The following LRRC4C variants were observed in gnomAD, a reference collection of about 807,000 sequenced individuals.
The protein encoded by LRRC4C is leucine-rich repeat-containing protein 4C.
LRRC4C carries 5 observed loss-of-function variants against 33.6 expected under a neutral mutation model. The observed-to-expected ratio is 0.15, with a 90% confidence interval of 0.08 to 0.31. The LOEUF (loss-of-function observed/expected upper bound fraction) is 0.31, where lower values mean the gene tolerates loss of function less well. Ranked by LOEUF, LRRC4C falls within the 10% of genes least tolerant of loss-of-function variation. LRRC4C has a pLI of 1.00. For missense variants in LRRC4C, 560 were observed against 796.7 expected (o/e 0.70, Z 3.58); for synonymous variants, 329 against 302.0 (o/e 1.09, Z -0.93).
chr11:40,883,165 G>A (rs1389216225), intron 2 of LRRC4C, among the ~76,000 whole-genome samples: 4 of 151,948 alleles, frequency 2.6e-5, no homozygotes, highest in Non-Finnish European at 1.5e-5. Context: ...AAGATAACCA[G>A]GCTTACTTTT....
chr11:40,984,808 G>A (rs1474073867), intron 1 of LRRC4C, among the ~76,000 whole-genome samples: 3 of 146,166 alleles, frequency 2.1e-5, no homozygotes, highest in Non-Finnish European at 3.0e-5. Context: ...TCCTGAGGCA[G>A]AATAAGTGGC....
intron 3 of LRRC4C, among the ~76,000 whole-genome samples, chr11:40,622,148 C>T (rs1368943463): frequency 6.6e-6 from 1 of 151,918 alleles, no homozygotes; most frequent in East Asian, 1.9e-4. Flanking sequence ...ACATCTTAGT[C>T]ACACATTAAA....
At chr11:40,308,598 G>A (rs1228613452) in intron 4 of LRRC4C, among the ~76,000 whole-genome samples, 2 of 152,124 alleles carry the variant, frequency 1.3e-5, no homozygotes, top group Non-Finnish European at 2.9e-5. Flanking sequence ...ACCTTATACT[G>A]TCAGTTAACA....
chr11:41,104,597 C>A (rs1941387470), intron 1 of LRRC4C, among the ~76,000 whole-genome samples: 1 of 151,872 alleles, frequency 6.6e-6, no homozygotes, highest in Non-Finnish European at 1.5e-5. Flanking sequence ...TATGACCCAG[C>A]AGTTCTGCTC....
At chr11:40,841,427 CT>C (rs1397252243) in intron 2 of LRRC4C, among the ~76,000 whole-genome samples, 2 of 152,172 alleles carry the variant, frequency 1.3e-5, no homozygotes, top group African/African-American at 4.8e-5. Flanking sequence ...GAGATGAGGC[CT>C]CTAAAGGAAG....
chr11:40,344,986 G>T lies in LRRC4C; in HGVS notation c.-269-25265C>A, dbSNP rs1190254259. On this transcript the variant is annotated intron_variant, in intron 3 of 6. Coordinates refer to ENST00000528697, the MANE Select transcript of LRRC4C (RefSeq NM_001258419.2). ...TCTACAATAAGAATTACAAAACACTGCTCAAATAAATTGGAGATGATACAA... is the reference window on the plus strand; with the variant it reads ...TCTACAATAAGAATTACAAAACACTTCTCAAATAAATTGGAGATGATACAA... Among the ~76,000 whole-genome samples, 3 of 152,202 alleles carry T rather than the reference G, an allele frequency of 2.0e-5. No homozygotes were observed. In the East Asian group the frequency reaches 5.8e-4, roughly 29 times the overall value.
intron 3 of LRRC4C, among the ~76,000 whole-genome samples, chr11:40,542,807 A>C (rs1267469805): frequency 6.6e-6 from 1 of 152,074 alleles, no homozygotes; most frequent in Non-Finnish European, 1.5e-5. Flanking sequence ...TCTCTCCCAT[A>C]GGGTGGTACA....
chr11:40,976,642 T>C (rs1441447595), intron 1 of LRRC4C, among the ~76,000 whole-genome samples: 1 of 152,180 alleles, frequency 6.6e-6, no homozygotes, highest in East Asian at 1.9e-4. Context: ...GTGATTTTTG[T>C]GGAATGGCAG....
intron 2 of LRRC4C, among the ~76,000 whole-genome samples, chr11:40,776,839 T>C (rs546945339): frequency 6.6e-6 from 1 of 152,302 alleles, no homozygotes; most frequent in Non-Finnish European, 1.5e-5. Flanking sequence ...TTGAGTTATT[T>C]CTAACTTCTT....
chr11:40,404,304 C>T (rs1949876734), intron 3 of LRRC4C, among the ~76,000 whole-genome samples: 1 of 152,132 alleles, frequency 6.6e-6, no homozygotes, highest in South Asian at 2.1e-4. Context: ...CTCAGCTGAG[C>T]CCCGTCCAAT....
At chr11:40,663,835 G>T (rs1480064500) in intron 2 of LRRC4C, among the ~76,000 whole-genome samples, 1 of 152,174 alleles carries the variant, frequency 6.6e-6, no homozygotes, top group Non-Finnish European at 1.5e-5. Flanking sequence ...CACAGTGGAA[G>T]ATTTTAACAC....
chr11:40,361,336 G>A (rs1947940020), intron 3 of LRRC4C, among the ~76,000 whole-genome samples: 1 of 152,040 alleles, frequency 6.6e-6, no homozygotes, highest in African/African-American at 2.4e-5. Flanking sequence ...CAAAAGCTTT[G>A]TAAGCTGATA....
intron 1 of LRRC4C, among the ~76,000 whole-genome samples, chr11:41,363,325 C>T (rs1952422458): frequency 6.6e-6 from 1 of 152,192 alleles, no homozygotes. Context: ...AGAATATTTA[C>T]CAAGTTACTG....
rs538161707 is a variant in LRRC4C, at chr11:41,099,327, A to G, written c.-495-165604T>C. Among the ~76,000 whole-genome samples the G allele has an allele frequency of 1.1e-4, 17 of 151,996 alleles. No homozygotes were observed. The South Asian group carries it at 3.3e-3, about 30-fold the overall frequency. ...ACTGAGAAAAAGTAACTCCTCCCCA[A>G]GTCATTCTACGAGGCCAGCATCATC... On this transcript the variant is annotated intron_variant, in intron 1 of 6. Transcript: ENST00000528697.
intron 1 of LRRC4C, among the ~76,000 whole-genome samples, chr11:41,025,855 C>A (rs1856307550): frequency 6.6e-6 from 1 of 151,656 alleles, no homozygotes; most frequent in South Asian, 2.1e-4. Flanking sequence ...ATAAATGGAA[C>A]CACATAGTCT....
chr11:40,963,145 C>G (rs1052751205), intron 1 of LRRC4C, among the ~76,000 whole-genome samples: 1 of 151,638 alleles, frequency 6.6e-6, no homozygotes, highest in Admixed American at 6.6e-5. Context: ...CAAGTGCACA[C>G]TATTATTTTT....
In LRRC4C at chr11:40,323,560, C is replaced by T. The variant is rs569338710; in HGVS notation, c.-269-3839G>A. ...TGACATCACCAGGGAATAATGTTGGCCCTATCCACTAAAGTTATAAAATGC... is the reference window on the plus strand; with the variant it reads ...TGACATCACCAGGGAATAATGTTGGTCCTATCCACTAAAGTTATAAAATGC... On this transcript the variant is annotated intron_variant, in intron 3 of 6. Transcript: ENST00000528697. 2.6e-4 allele frequency among the ~76,000 whole-genome samples: 39 copies of T among 152,270 alleles called. 1 individual carries two copies. Among genetic ancestry groups the T allele is most frequent in the African/African-American group, 9.4e-4 (39 of 41,550 alleles).
chr11:40,516,517 C>T (rs1191927265), intron 3 of LRRC4C, among the ~76,000 whole-genome samples: 4 of 152,000 alleles, frequency 2.6e-5, no homozygotes, highest in Non-Finnish European at 4.4e-5. Flanking sequence ...TGGTTTATGT[C>T]CACTCTCTGT....
At chr11:41,319,350 G>C (rs919317092) in intron 1 of LRRC4C, among the ~76,000 whole-genome samples, 1 of 152,118 alleles carries the variant, frequency 6.6e-6, no homozygotes, top group South Asian at 2.1e-4. Context: ...TCATACTTAT[G>C]ATTATTAATA....
Sources: allele counts gnomAD v4.1 joint callset (sites outside exome capture counted in the v4.1 genomes callset), GRCh38; gene constraint gnomAD v4.1.1; transcripts MANE v1.5; gene names NCBI Gene and HGNC (gene_info 2026-07-23, HGNC 2026-07-21).